Variants in EHMT1 observed in about 807,000 individuals in gnomAD.
The protein encoded by EHMT1 is euchromatic histone lysine methyltransferase 1.
In EHMT1, 15 loss-of-function variants were observed where a neutral mutation model predicts 147.2. The ratio of observed to expected loss-of-function variants is 0.10; its 90% CI spans 0.07 to 0.16. The LOEUF (loss-of-function observed/expected upper bound fraction) is 0.16. Ranked by LOEUF, EHMT1 falls within the 10% of genes least tolerant of loss-of-function variation. The probability of loss-of-function intolerance (pLI) is 1.00; values close to 1 mark genes in which losing one functional copy is unlikely to be tolerated. For missense variants in EHMT1, 1,587 were observed against 1,772.4 expected (o/e 0.90, Z 1.88); for synonymous variants, 795 against 709.6 (o/e 1.12, Z -1.91).
At chr9:137,780,904 T>C (rs1951406196) in intron 14 of EHMT1, among the ~76,000 whole-genome samples, 1 of 99,456 alleles carries the variant, frequency 1.0e-5, no homozygotes, top group Admixed American at 9.9e-5. Context: ...CTGGGATGTG[T>C]GGTGATGACG....
chr9:137,769,436 C>A (rs1307829955), intron 10 of EHMT1, among the ~76,000 whole-genome samples: 1 of 152,142 alleles, frequency 6.6e-6, no homozygotes, highest in Admixed American at 6.5e-5. Context: ...ATAATGAATT[C>A]TCTCAGCTTT....
At chr9:137,763,160 G>T in intron 10 of EHMT1, 3 of 507,320 alleles carry the variant, frequency 5.9e-6, no homozygotes, top group South Asian at 4.2e-5. Flanking sequence ...GTCACACCAA[G>T]GTGAGTCCAG....
chr9:137,751,241 T>C (rs1588516599), intron 6 of EHMT1, among the ~76,000 whole-genome samples: 1 of 152,216 alleles, frequency 6.6e-6, no homozygotes, highest in East Asian at 1.9e-4. Flanking sequence ...CTGGAAGCCA[T>C]GAAGGAAAAG....
In EHMT1 at chr9:137,786,131, C is replaced by T. The variant is rs1360579951; in HGVS notation, c.2382+3734C>T. On this transcript the variant is annotated intron_variant, in intron 15 of 26. Transcript: ENST00000460843. This position sits in a 1 kb window ranked among gnomAD's most constrained non-coding sequence, Gnocchi z 4.3. The stretch of plus-strand genomic sequence containing the variant: ...GTACAGAGCTCTTCGTTCTGTTTTA[C>T]AGCCTCTTGTGAGTTTAGTGCCGTG... The T allele has an allele frequency of 6.6e-6, 1 of 152,318 alleles. No individual in the cohort carries two copies. The highest frequency in any genetic ancestry group is 1.5e-5 in the Non-Finnish European group (1 of 68,098). The allele number at this position is 152,318 out of a possible 1,614,324, so 9.4% of individuals were successfully genotyped here.
intron 16 of EHMT1, among the ~76,000 whole-genome samples, chr9:137,797,008 T>C (rs748976975): frequency 2.0e-5 from 3 of 152,186 alleles, no homozygotes; most frequent in East Asian, 1.9e-4. Context: ...CACTGTGATC[T>C]TGAGAATTTA....
At chr9:137,818,285 G>A in intron 25 of EHMT1, 147 bp downstream of exon 25, 1 of 906,062 alleles carries the variant, frequency 1.1e-6, no homozygotes, top group South Asian at 1.4e-5. Flanking sequence ...TGCCGCATTT[G>A]GAGCTGGCCT....
intron 1 of EHMT1, among the ~76,000 whole-genome samples, chr9:137,677,451 A>AT (rs879742539): frequency 6.7e-5 from 10 of 149,044 alleles, no homozygotes; most frequent in East Asian, 2.0e-4. Flanking sequence ...GACATTTTTA[A>AT]TTTTTTTTTT....
At chr9:137,625,360 GTTT>G (rs1464918856) in intron 1 of EHMT1, among the ~76,000 whole-genome samples, 1 of 152,064 alleles carries the variant, frequency 6.6e-6, no homozygotes, top group African/African-American at 2.4e-5. Context: ...ATTATAGGAG[GTTT>G]TTTGTTGTTG....
chr9:137,811,239 T>C (rs1273247778), intron 18 of EHMT1, among the ~76,000 whole-genome samples: 5 of 152,148 alleles, frequency 3.3e-5, no homozygotes, highest in African/African-American at 7.2e-5. Context: ...ATTTTTACAA[T>C]GAAACAAACA....
At chr9:137,799,222 T>G (rs1388678568) in intron 17 of EHMT1, among the ~76,000 whole-genome samples, 6 of 151,818 alleles carry the variant, frequency 4.0e-5, no homozygotes, top group African/African-American at 1.5e-4. Context: ...TGGAGTGCCT[T>G]GTCCCCTCCC....
At chr9:137,748,201 G>A (rs1004897969) in intron 6 of EHMT1, among the ~76,000 whole-genome samples, 2 of 152,052 alleles carry the variant, frequency 1.3e-5, no homozygotes, top group African/African-American at 2.4e-5. Flanking sequence ...ATGTGATGGC[G>A]GCTTTGCTGT....
chr9:137,746,244 A>G (rs1948533957), intron 6 of EHMT1: 1 of 152,284 alleles, frequency 6.6e-6, no homozygotes, highest in Non-Finnish European at 1.5e-5. Flanking sequence ...CTTCCTGAGT[A>G]GCTGGGGCTA....
At chr9:137,678,876 G>A (rs1589230854) in intron 1 of EHMT1, among the ~76,000 whole-genome samples, 1 of 152,224 alleles carries the variant, frequency 6.6e-6, no homozygotes, top group African/African-American at 2.4e-5. Context: ...CAGGACTGAT[G>A]GTGCAGTGCC....
At chr9:137,655,953 T>C (rs1308058648) in intron 1 of EHMT1, among the ~76,000 whole-genome samples, 3 of 152,180 alleles carry the variant, frequency 2.0e-5, no homozygotes, top group Non-Finnish European at 2.9e-5. Context: ...ATCAGTGATA[T>C]AAAAATGTTT....
chr9:137,698,039 C>CAT (rs1564602839), intron 1 of EHMT1, among the ~76,000 whole-genome samples: 1 of 134,516 alleles, frequency 7.4e-6, no homozygotes, highest in African/African-American at 2.9e-5. Context: ...TCCCCACTGT[C>CAT]GTGAGGGCAG....
At chr9:137,730,139 G>A (rs553299227) in intron 4 of EHMT1, among the ~76,000 whole-genome samples, 1 of 152,204 alleles carries the variant, frequency 6.6e-6, no homozygotes, top group African/African-American at 2.4e-5. Flanking sequence ...GTGGAGCGAC[G>A]CAGGTGACTG....
At chr9:137,661,613 G>A (rs1278288531) in intron 1 of EHMT1, among the ~76,000 whole-genome samples, 1 of 151,286 alleles carries the variant, frequency 6.6e-6, no homozygotes, top group African/African-American at 2.4e-5. Context: ...AGCCTCCCGA[G>A]TAGCTGGGAC....
chr9:137,795,422 C>CACACACACACACACACAA (rs1952837044), intron 16 of EHMT1, among the ~76,000 whole-genome samples: 1 of 14,300 alleles, frequency 7.0e-5, no homozygotes, highest in African/African-American at 1.8e-4. Context: ...CACACACACA[C>CACACACACACACACACAA]ACACACTCTC....
At chr9:137,768,934 G>A (rs1054759717) in intron 10 of EHMT1, among the ~76,000 whole-genome samples, 1 of 152,130 alleles carries the variant, frequency 6.6e-6, no homozygotes, top group African/African-American at 2.4e-5. Context: ...TGATCTGCCC[G>A]CCTCAGCCTC....
Sources: allele counts gnomAD v4.1 joint callset (sites outside exome capture counted in the v4.1 genomes callset), GRCh38; gene constraint gnomAD v4.1.1; non-coding constraint Gnocchi (gnomAD v3.1); transcripts MANE v1.5; gene names NCBI Gene and HGNC (gene_info 2026-07-23, HGNC 2026-07-21).